The following PDXP variants were observed in gnomAD, a reference collection of about 807,000 sequenced individuals.
PDXP encodes the protein chronophin.
Under a neutral mutation model 14.4 loss-of-function variants are expected in PDXP, and 15 were observed. The ratio of observed to expected loss-of-function variants is 1.04; its 90% CI spans 0.70 to 1.60. The LOEUF (loss-of-function observed/expected upper bound fraction) is 1.60, where lower values mean the gene tolerates loss of function less well. Among genes scored for constraint, PDXP ranks in the 40% most tolerant of loss-of-function variants. PDXP has a pLI of 0.00. For missense variants in PDXP, 413 were observed against 427.6 expected, an observed-to-expected ratio of 0.97 and a Z score of 0.30; for synonymous variants, 233 against 205.6, an observed-to-expected ratio of 1.13 and a Z score of -1.14.
intron 1 of PDXP, among the ~76,000 whole-genome samples, chr22:37,660,182 G>A (rs906841872): frequency 1.3e-5 from 2 of 152,148 alleles, no homozygotes; most frequent in Non-Finnish European, 2.9e-5. Context: ...GCAACATAGT[G>A]AGACCTTATC....
At chr22:37,661,706 T>G (rs1457905855) in intron 1 of PDXP, among the ~76,000 whole-genome samples, 1 of 151,994 alleles carries the variant, frequency 6.6e-6, no homozygotes, top group African/African-American at 2.4e-5. Flanking sequence ...GTCTGGCATG[T>G]AGTTGGGCCT....
At position 37,658,946 on chromosome 22, in the gene PDXP, T is replaced by C. The variant is rs1232243088; in HGVS notation, c.164T>C (p.Leu55Pro). 4.9e-6 allele frequency: 6 copies of C among 1,214,406 alleles called. No individual in the cohort carries two copies. Among genetic ancestry groups the C allele is most frequent in the South Asian group, 3.1e-5 (1 of 32,472 alleles). 75.2% of individuals were successfully genotyped at this position (1,214,406 alleles called of 1,614,324 possible). The change falls in exon 1 of 2, where the codon CTG becomes CCG. Residue 55 changes from leucine to proline, a missense_variant. Coordinates refer to ENST00000215904, the MANE Select transcript of PDXP (RefSeq NM_020315.5). Reference sequence around the variant, plus strand: ...CTGGCGCGGGCCGGCAAGGCGGCTCTGTTTGTGAGCAACAACAGCCGGCGC... The same window carrying C: ...CTGGCGCGGGCCGGCAAGGCGGCTCCGTTTGTGAGCAACAACAGCCGGCGC... Reference protein sequence around the residue: ...ERLARAGKAALFVSNNSRRAR... With the variant: ...ERLARAGKAAPFVSNNSRRAR...
Position 37,658,755 on chromosome 22 carries a change from C to CGCGGGAGGCCG in PDXP, c.-23_-13dup, listed in dbSNP as rs1313197188. The CGCGGGAGGCCG allele has an allele frequency of 3.4e-4, 390 of 1,148,122 alleles. 1 individual carries two copies. Among genetic ancestry groups the CGCGGGAGGCCG allele is most frequent in the Non-Finnish European group, 3.9e-4 (364 of 932,774 alleles). 71.1% of individuals were successfully genotyped at this position (1,148,122 alleles called of 1,614,324 possible). A position where few individuals can be genotyped will look rare whatever the true frequency, so the allele number is the denominator to read the frequency against. On this transcript the variant is annotated 5_prime_UTR_variant, in exon 1 of 2. Coordinates refer to ENST00000215904, the MANE Select transcript of PDXP (RefSeq NM_020315.5). ...CGCCGTGCCCGCGGAGAGAGCGCGG[C>CGCGGGAGGCCG]GCGGGAGGCCGGCGGCCGGCCGGCT...
intron 1 of PDXP, among the ~76,000 whole-genome samples, chr22:37,663,918 A>ATTT (rs1920991241): frequency 1.7e-5 from 2 of 119,572 alleles, no homozygotes; most frequent in African/African-American, 7.5e-5. Context: ...GAATACGTTG[A>ATTT]CTTTTTTTTT....
At position 37,665,991 on chromosome 22, in the gene PDXP, G is replaced by A. The variant is rs1460486445; in HGVS notation, c.*120G>A. 5 of 1,077,086 alleles carry A rather than the reference G, an allele frequency of 4.6e-6. No individual in the cohort carries two copies. Among genetic ancestry groups the A allele is most frequent in the South Asian group, 3.2e-5 (2 of 62,530 alleles). 66.7% of individuals were successfully genotyped at this position (1,077,086 alleles called of 1,614,324 possible). ...CTCCTTGGTCCAGTTCTGCACCGGG[G>A]TGGGGCTGGGACCCGGGGAAGGTTT... is the stretch of plus-strand genomic sequence containing the variant. On this transcript the variant is annotated 3_prime_UTR_variant, in exon 2 of 2. Coordinates refer to ENST00000215904, the MANE Select transcript of PDXP (RefSeq NM_020315.5).
At chr22:37,664,238 C>CT (rs67430441) in intron 1 of PDXP, among the ~76,000 whole-genome samples, 3,330 of 145,600 alleles carry the variant, frequency 0.023, 56 homozygotes, top group Non-Finnish European at 0.034. Flanking sequence ...GCCAGCTTTT[C>CT]TTTTTTTTTT....
chr22:37,664,325 G>T (rs950977102), intron 1 of PDXP, among the ~76,000 whole-genome samples: 1 of 151,800 alleles, frequency 6.6e-6, no homozygotes, highest in Admixed American at 6.6e-5. Context: ...GAACTCCTGG[G>T]CTCAAGCAAT....
chr22:37,659,363 G>A lies in PDXP; in HGVS notation c.574+7G>A, dbSNP rs772735273. On this transcript the variant is annotated splice_region_variant and intron_variant, in intron 1 of 1. Coordinates refer to ENST00000215904, the MANE Select transcript of PDXP (RefSeq NM_020315.5). ...GACGGCAGCCGGACCCCTGGTGAGC[G>A]CGGGAATGGCGGGGAAACTGAGATG... 7.7e-7 allele frequency: 1 copy of A among 1,296,760 alleles called. No individual in the cohort carries two copies. Among genetic ancestry groups the A allele is most frequent in the Non-Finnish European group, 9.8e-7 (1 of 1,020,880 alleles). The allele number at this position is 1,296,760 out of a possible 1,614,324, so 80.3% of individuals were successfully genotyped here. A position where few individuals can be genotyped will look rare whatever the true frequency, so the allele number is the denominator to read the frequency against.
chr22:37,659,535 G>A (rs1933160861), intron 1 of PDXP, among the ~76,000 whole-genome samples, 179 bp downstream of exon 1: 1 of 152,220 alleles, frequency 6.6e-6, no homozygotes, highest in South Asian at 2.1e-4. Flanking sequence ...CCGTCATCCT[G>A]TGAGGCGCAG....
At chr22:37,663,493 T>C (rs917563009) in intron 1 of PDXP, among the ~76,000 whole-genome samples, 5 of 151,890 alleles carry the variant, frequency 3.3e-5, no homozygotes, top group Non-Finnish European at 7.4e-5. Flanking sequence ...TATATGCCAC[T>C]GTACCCCACT....
At chr22:37,660,424 CAG>C (rs1194172506) in intron 1 of PDXP, among the ~76,000 whole-genome samples, 2 of 152,198 alleles carry the variant, frequency 1.3e-5, no homozygotes, top group African/African-American at 4.8e-5. Flanking sequence ...AACTCTCTGG[CAG>C]AGTGATAGAG....
chr22:37,659,980 C>T (rs752063757), intron 1 of PDXP, among the ~76,000 whole-genome samples: 2 of 152,086 alleles, frequency 1.3e-5, no homozygotes, highest in Non-Finnish European at 2.9e-5. Flanking sequence ...CTTTGGTTTC[C>T]AAATTACTCT....
At chr22:37,662,959 G>T (rs996142334) in intron 1 of PDXP, among the ~76,000 whole-genome samples, 2 of 151,632 alleles carry the variant, frequency 1.3e-5, no homozygotes, top group Non-Finnish European at 2.9e-5. Context: ...TTGCACTCCA[G>T]CCTGGGTGAC....
Position 37,665,874 on chromosome 22 carries a change from C to G in PDXP, c.*3C>G, listed in dbSNP as rs1921063663. ...TGACAGAGGGGTTGGAGGACTGAGCCCACTGCACCTGCAGCCACAGGCCCA... is the reference window on the plus strand; with the variant it reads ...TGACAGAGGGGTTGGAGGACTGAGCGCACTGCACCTGCAGCCACAGGCCCA... On this transcript the variant is annotated 3_prime_UTR_variant, in exon 2 of 2. Transcript: ENST00000215904. The G allele has an allele frequency of 6.2e-7, 1 of 1,608,708 alleles. No individual in the cohort carries two copies. Among genetic ancestry groups the G allele is most frequent in the Admixed American group, 1.7e-5 (1 of 59,890 alleles).
intron 1 of PDXP, among the ~76,000 whole-genome samples, chr22:37,663,422 T>G (rs1920983405): frequency 6.6e-6 from 1 of 151,662 alleles, no homozygotes; most frequent in Admixed American, 6.6e-5. Context: ...CACTTTAATC[T>G]CAAACTCCTG....
rs1464379985 is a variant in PDXP at position 37,666,286 on chromosome 22, G to C, written c.*415G>C. ...GGTCCTTGTCAACCAGAGGTCTAGG[G>C]AACCACAACCCTTATTGTCCTGGGT... On this transcript the variant is annotated 3_prime_UTR_variant, in exon 2 of 2. Transcript: ENST00000215904. The C allele has an allele frequency of 7.6e-6, 2 of 262,768 alleles. No individual in the cohort carries two copies. Among genetic ancestry groups the C allele is most frequent in the African/African-American group, 4.4e-5 (2 of 45,100 alleles). 16.3% of individuals were successfully genotyped at this position (262,768 alleles called of 1,614,324 possible).
At chr22:37,660,320 G>A (rs753554220) in intron 1 of PDXP, among the ~76,000 whole-genome samples, 1 of 152,204 alleles carries the variant, frequency 6.6e-6, no homozygotes, top group Non-Finnish European at 1.5e-5. Flanking sequence ...GGGAATTGGT[G>A]TTTCAGCCCT....
Position 37,658,730 on chromosome 22 carries a change from C to A in PDXP, c.-53C>A. 9.2e-7 allele frequency: 1 copy of A among 1,085,528 alleles called. No homozygotes were observed. The allele number at this position is 1,085,528 out of a possible 1,614,324, so 67.2% of individuals were successfully genotyped here. A position where few individuals can be genotyped will look rare whatever the true frequency, so the allele number is the denominator to read the frequency against. ...TGCGTGGAACGTGCCAGGGAGAGCG[C>A]GCCGTGCCCGCGGAGAGAGCGCGGC... On this transcript the variant is annotated 5_prime_UTR_variant, in exon 1 of 2. Coordinates refer to ENST00000215904, the MANE Select transcript of PDXP (RefSeq NM_020315.5).
At position 37,665,964 on chromosome 22, in the gene PDXP, G is replaced by T; in HGVS notation, c.*93G>T. 1.5e-6 allele frequency: 2 copies of T among 1,319,756 alleles called. No homozygotes were observed. Among genetic ancestry groups the T allele is most frequent in the South Asian group, 2.8e-5 (2 of 72,642 alleles). 81.8% of individuals were successfully genotyped at this position (1,319,756 alleles called of 1,614,324 possible). On this transcript the variant is annotated 3_prime_UTR_variant, in exon 2 of 2. Transcript: ENST00000215904. ...GTCACGAGCCATGTTAAGCACAACC[G>T]GCTCCTTGGTCCAGTTCTGCACCGG...
Sources: allele counts gnomAD v4.1 joint callset (sites outside exome capture counted in the v4.1 genomes callset), GRCh38; gene constraint gnomAD v4.1.1; transcripts MANE v1.5; gene names NCBI Gene and HGNC (gene_info 2026-07-23, HGNC 2026-07-21).